The following KCNMB2 variants were observed in gnomAD, a reference collection of about 807,000 sequenced individuals.
The protein encoded by KCNMB2 is calcium-activated potassium channel subunit beta-2.
Under a neutral mutation model 24.5 loss-of-function variants are expected in KCNMB2, and 9 were observed. That is an observed-to-expected ratio of 0.37 (90% CI 0.22 to 0.64). The LOEUF is 0.64. Among genes scored for constraint, KCNMB2 ranks in the 30% least tolerant of loss-of-function variants. KCNMB2 has a pLI of 0.63. For missense variants in KCNMB2, 226 were observed against 284.3 expected (o/e 0.79, Z 1.47); for synonymous variants, 109 against 104.4 (o/e 1.04, Z -0.27).
In KCNMB2 at chr3:178,740,256, C is replaced by T. The variant is rs1284953748; in HGVS notation, c.-67-67087C>T. 2.0e-5 allele frequency among the ~76,000 whole-genome samples: 3 copies of T among 151,892 alleles called. No homozygotes were observed. In the East Asian group the frequency reaches 5.8e-4, roughly 29 times the overall value. Reference sequence around the variant, plus strand: ...ACCTCAGCCTCCTGAGTAGCTGGGACTACAGGCACCTGCCACCACACCTGG... The same window carrying T: ...ACCTCAGCCTCCTGAGTAGCTGGGATTACAGGCACCTGCCACCACACCTGG... On this transcript the variant is annotated intron_variant, in intron 1 of 4. Transcript: ENST00000452583.
At chr3:178,668,692 G>A (rs994783118) in intron 1 of KCNMB2, among the ~76,000 whole-genome samples, 1 of 152,126 alleles carries the variant, frequency 6.6e-6, no homozygotes, top group Admixed American at 6.6e-5. Context: ...ACTTATGTAT[G>A]TGTGGGCATT....
At chr3:178,762,672 C>A (rs79226042) in intron 1 of KCNMB2, among the ~76,000 whole-genome samples, 21,390 of 151,630 alleles carry the variant, frequency 0.14, 1,809 homozygotes, top group Admixed American at 0.18. Context: ...ACTGGGGTGG[C>A]AGTAGTGGTA....
At chr3:178,542,427 A>G (rs754170572) in intron 1 of KCNMB2, among the ~76,000 whole-genome samples, 11 of 152,148 alleles carry the variant, frequency 7.2e-5, no homozygotes, top group Admixed American at 7.2e-4. Flanking sequence ...TTGTTATTTA[A>G]TCTTCACAGC....
chr3:178,800,580 G>A (rs527971831), intron 1 of KCNMB2, among the ~76,000 whole-genome samples: 2 of 152,222 alleles, frequency 1.3e-5, no homozygotes, highest in South Asian at 2.1e-4. Flanking sequence ...CTGTTGGTGG[G>A]AATGTAAATT....
intron 1 of KCNMB2, among the ~76,000 whole-genome samples, chr3:178,641,028 G>A (rs1719710545): frequency 6.6e-6 from 1 of 152,020 alleles, no homozygotes; most frequent in South Asian, 2.1e-4. Flanking sequence ...TCTGCTTCTG[G>A]ACTCTGAATT....
intron 1 of KCNMB2, among the ~76,000 whole-genome samples, chr3:178,735,092 C>T (rs1489617253): frequency 6.6e-6 from 1 of 152,256 alleles, no homozygotes; most frequent in Non-Finnish European, 1.5e-5. Context: ...CAGCATGTTG[C>T]CTTCTGCTAC....
rs564070450 is a variant in KCNMB2 at position 178,551,711 on chromosome 3, G to C, written c.-68+15000G>C. ...CTTATTAAGTGCAAGGATTGTACTA[G>C]GCATTTTACCTGCATTCTGTCATTT... On this transcript the variant is annotated intron_variant, in intron 1 of 4. Transcript: ENST00000452583. Among the ~76,000 whole-genome samples the C allele has an allele frequency of 7.2e-5, 11 of 152,300 alleles. No individual in the cohort carries two copies. The South Asian group carries it at 2.3e-3, about 32-fold the overall frequency.
At chr3:178,614,822 G>A (rs1251024978) in intron 1 of KCNMB2, among the ~76,000 whole-genome samples, 1 of 152,158 alleles carries the variant, frequency 6.6e-6, no homozygotes, top group Admixed American at 6.5e-5. Context: ...GGATGGTATT[G>A]ATGATAGTAG....
chr3:178,581,681 C>T (rs1717211397), intron 1 of KCNMB2, among the ~76,000 whole-genome samples: 1 of 151,962 alleles, frequency 6.6e-6, no homozygotes, highest in African/African-American at 2.4e-5. Flanking sequence ...GAAAAAAGAA[C>T]AACGCCATCA....
intron 1 of KCNMB2, among the ~76,000 whole-genome samples, chr3:178,730,778 C>G (rs183379487): frequency 7.9e-5 from 12 of 152,198 alleles, no homozygotes; most frequent in Admixed American, 7.2e-4. Context: ...TTGCATCAAG[C>G]CTTCCCCCTG....
intron 2 of KCNMB2, among the ~76,000 whole-genome samples, chr3:178,810,902 C>CTTTTTTT (rs56925343): frequency 1.6e-3 from 169 of 107,970 alleles, no homozygotes; most frequent in Non-Finnish European, 2.0e-3. Flanking sequence ...ACCTGGCTAA[C>CTTTTTTT]TTTTTTTTTT....
At chr3:178,643,280 C>T (rs1463664231) in intron 1 of KCNMB2, among the ~76,000 whole-genome samples, 1 of 152,080 alleles carries the variant, frequency 6.6e-6, no homozygotes, top group Non-Finnish European at 1.5e-5. Flanking sequence ...GAAGTGGTGA[C>T]TATAAAGATG....
At chr3:178,822,046 T>C (rs939015660) in intron 2 of KCNMB2, among the ~76,000 whole-genome samples, 8 of 152,294 alleles carry the variant, frequency 5.3e-5, no homozygotes, top group Middle Eastern at 3.4e-3. Flanking sequence ...CAGATTCCTA[T>C]TCACTACAGA....
intron 1 of KCNMB2, among the ~76,000 whole-genome samples, chr3:178,606,324 G>A (rs576835948): frequency 5.3e-5 from 8 of 152,100 alleles, no homozygotes; most frequent in Non-Finnish European, 1.0e-4. Flanking sequence ...AAAGCTGTGG[G>A]TCCATAGAGA....
chr3:178,577,416 C>A (rs1349755740), intron 1 of KCNMB2, among the ~76,000 whole-genome samples: 1 of 152,122 alleles, frequency 6.6e-6, no homozygotes, highest in Non-Finnish European at 1.5e-5. Context: ...TGAGGAAAAA[C>A]CAGCTCAACA....
At chr3:178,698,695 C>T (rs1412785159) in intron 1 of KCNMB2, among the ~76,000 whole-genome samples, 1 of 152,238 alleles carries the variant, frequency 6.6e-6, no homozygotes. Flanking sequence ...AAGCACTCTG[C>T]ATTTTTTAGT....
chr3:178,549,309 C>CT (rs34705538), intron 1 of KCNMB2, among the ~76,000 whole-genome samples: 6,556 of 136,854 alleles, frequency 0.048, 201 homozygotes, highest in Non-Finnish European at 0.072. Flanking sequence ...CTTTTATTTT[C>CT]TTTTTTTTTT....
chr3:178,685,720 T>C (rs1452573372), intron 1 of KCNMB2, among the ~76,000 whole-genome samples: 1 of 152,236 alleles, frequency 6.6e-6, no homozygotes, highest in African/African-American at 2.4e-5. Context: ...ACGAAGTTAA[T>C]CAATAACGTT....
At chr3:178,559,303 A>G (rs1716231820) in intron 1 of KCNMB2, among the ~76,000 whole-genome samples, 1 of 152,076 alleles carries the variant, frequency 6.6e-6, no homozygotes, top group Non-Finnish European at 1.5e-5. Flanking sequence ...ATATTTTCTC[A>G]TATTTTAAAA....
Sources: allele counts gnomAD v4.1 joint callset (sites outside exome capture counted in the v4.1 genomes callset), GRCh38; gene constraint gnomAD v4.1.1; transcripts MANE v1.5; gene names NCBI Gene and HGNC (gene_info 2026-07-23, HGNC 2026-07-21).